NANOS3: variants seen among roughly 807,000 people sequenced by gnomAD.
The protein encoded by NANOS3 is nanos homolog 3.
Under a neutral mutation model 13.8 loss-of-function variants are expected in NANOS3, and 11 were observed. The ratio of observed to expected loss-of-function variants is 0.80; its 90% CI spans 0.50 to 1.32. NANOS3 has a LOEUF of 1.32. Among genes scored for constraint, NANOS3 ranks in the 40% most tolerant of loss-of-function variants. The pLI, the probability that NANOS3 is intolerant of heterozygous loss-of-function variation, is 0.00. For synonymous variants in NANOS3, 119 were observed against 115.4 expected (o/e 1.03, Z -0.20); for missense variants, 221 against 263.8 (o/e 0.84, Z 1.12).
Position 13,877,503 on chromosome 19 carries a change from G to T in NANOS3, c.255G>T (p.Glu85Asp). Reference sequence around the variant, plus strand: ...GCTCTTTCTGCAAACACAACGGCGAGTCCCGGGCCATCTACCAGTCCCACG... The same window carrying T: ...GCTCTTTCTGCAAACACAACGGCGATTCCCGGGCCATCTACCAGTCCCACG... Reference protein sequence around the residue: ...RLCSFCKHNGESRAIYQSHVL... With the variant: ...RLCSFCKHNGDSRAIYQSHVL... The change falls in exon 1 of 2, where the codon GAG (glutamate) becomes GAT (aspartate). Residue 85 changes from glutamate (E) to aspartate (D), a missense_variant. Around this residue, in one of 3 missense-constraint regions of NANOS3, gnomAD observed 112 missense variants for 116.3 expected, o/e 0.96. Coordinates refer to ENST00000339133, the MANE Select transcript of NANOS3 (RefSeq NM_001098622.3). 1 of 1,611,674 alleles carries T rather than the reference G, an allele frequency of 6.2e-7. No homozygotes were observed.
intron 1 of NANOS3, among the ~76,000 whole-genome samples, chr19:13,870,212 T>C (rs1427865496): frequency 6.6e-6 from 1 of 152,068 alleles, no homozygotes; most frequent in Non-Finnish European, 1.5e-5. Flanking sequence ...CCCAAATAGC[T>C]GGGACTACAG....
chr19:13,869,760 ACACACACACGCACG>A (rs1220547695), intron 1 of NANOS3, among the ~76,000 whole-genome samples: 1 of 150,430 alleles, frequency 6.6e-6, no homozygotes, highest in African/African-American at 2.5e-5. Flanking sequence ...AAGTACACAC[ACACACACACGCACG>A]CACACACACA....
chr19:13,868,684 A>T (rs1481230398), intron 1 of NANOS3, among the ~76,000 whole-genome samples: 3 of 36,740 alleles, frequency 8.2e-5, no homozygotes, highest in African/African-American at 1.1e-4. Flanking sequence ...AGTCTCTTTT[A>T]AAAAAAAAAA....
At chr19:13,871,038 C>A (rs1019343019) in intron 1 of NANOS3, among the ~76,000 whole-genome samples, 1 of 151,936 alleles carries the variant, frequency 6.6e-6, no homozygotes. Context: ...ACCCCTACCC[C>A]CCATGCACTG....
upstream of NANOS3, among the ~76,000 whole-genome samples, chr19:13,873,253 G>T (rs906482676): frequency 6.8e-6 from 1 of 148,052 alleles, no homozygotes; most frequent in African/African-American, 2.5e-5. Context: ...TTGGCTGGTG[G>T]CTCCAGACTG....
At chr19:13,877,875 G>C in intron 1 of NANOS3, 110 bp downstream of exon 1, 3 of 1,439,278 alleles carry the variant, frequency 2.1e-6, no homozygotes, top group Admixed American at 2.8e-5. Context: ...GAAGACCTTA[G>C]AGAGAGCTTA....
chr19:13,872,423 C>G (rs979647978), upstream of NANOS3, among the ~76,000 whole-genome samples: 8 of 151,948 alleles, frequency 5.3e-5, no homozygotes, highest in African/African-American at 2.4e-5. Flanking sequence ...CTTCTGGGCT[C>G]CAGCCATCCT....
At chr19:13,870,520 A>ATG (rs1302839975) in intron 1 of NANOS3, among the ~76,000 whole-genome samples, 1 of 133,274 alleles carries the variant, frequency 7.5e-6, no homozygotes, top group Non-Finnish European at 1.6e-5. Context: ...TCCTGGTGCT[A>ATG]TGTGTGGGGG....
At chr19:13,869,516 G>A (rs1295924185) in intron 1 of NANOS3, among the ~76,000 whole-genome samples, 2 of 152,090 alleles carry the variant, frequency 1.3e-5, no homozygotes, top group African/African-American at 4.8e-5. Context: ...GACTCCCGCA[G>A]CTGGAAAGGA....
chr19:13,874,779 G>A (rs1454729791), upstream of NANOS3: 3 of 534,258 alleles, frequency 5.6e-6, no homozygotes, highest in Non-Finnish European at 1.2e-5. Flanking sequence ...CGACCGTTGA[G>A]TGGACCCTGA....
At chr19:13,880,332 C>T in intron 1 of NANOS3, 110 bp from the exon 2 acceptor site, 4 of 999,974 alleles carry the variant, frequency 4.0e-6, no homozygotes, top group Non-Finnish European at 6.2e-6. Flanking sequence ...GGAGCAGCCC[C>T]TGGGTGGCGC....
intron 1 of NANOS3, 77 bp downstream of exon 1, chr19:13,877,842 G>T (rs1262933718): frequency 6.8e-7 from 1 of 1,478,534 alleles, no homozygotes; most frequent in African/African-American, 1.4e-5. Flanking sequence ...ATTAGCCCCA[G>T]TACCCACCTC....
chr19:13,879,241 C>T (rs1968580567), intron 1 of NANOS3, among the ~76,000 whole-genome samples: 2 of 152,084 alleles, frequency 1.3e-5, no homozygotes, highest in South Asian at 4.1e-4. Flanking sequence ...GCCTGGCCCC[C>T]AGTGAGGTTT....
intron 1 of NANOS3, 101 bp from the exon 2 acceptor site, chr19:13,880,341 G>A (rs763972525): frequency 1.5e-4 from 163 of 1,104,488 alleles, no homozygotes; most frequent in Non-Finnish European, 2.0e-4. Context: ...CCTGGGTGGC[G>A]CCAGAGGTCC....
upstream of NANOS3, among the ~76,000 whole-genome samples, chr19:13,876,614 C>T (rs1458473067): frequency 6.6e-6 from 1 of 152,136 alleles, no homozygotes; most frequent in Non-Finnish European, 1.5e-5. Context: ...TTCCCCCCTA[C>T]CCCCGCAACC....
At chr19:13,863,345 G>A (rs1224787886), upstream of NANOS3, among the ~76,000 whole-genome samples, 1 of 151,874 alleles carries the variant, frequency 6.6e-6, no homozygotes, top group Non-Finnish European at 1.5e-5. Context: ...AAGTAGCTGG[G>A]ACTATAGGCG....
At chr19:13,864,732 T>C (rs1428702791), upstream of NANOS3, among the ~76,000 whole-genome samples, 2 of 152,054 alleles carry the variant, frequency 1.3e-5, no homozygotes, top group African/African-American at 4.8e-5. Flanking sequence ...TCAGCCGCGT[T>C]TCTGCATATT....
In NANOS3 at chr19:13,880,486, C is replaced by T; in HGVS notation, c.562C>T (p.Pro188Ser). The change falls in exon 2 of 2, where the codon CCC becomes TCC. Residue 188 changes from proline to serine, a missense_variant. Pro to Ser is a moderately conservative substitution (Grantham distance 74, BLOSUM62 -1). Transcript: ENST00000339133. ...GKSEPSPSCS[P>S]SMST is the part of the protein sequence containing the mutation. Reference sequence around the variant, plus strand: ...GTCTGAGCCTTCGCCCTCCTGCTCTCCCTCCATGTCCACCTAGGAGGCTGC... The same window carrying T: ...GTCTGAGCCTTCGCCCTCCTGCTCTTCCTCCATGTCCACCTAGGAGGCTGC... 6.2e-7 allele frequency: 1 copy of T among 1,613,936 alleles called. No homozygotes were observed. The highest frequency in any genetic ancestry group is 8.5e-7 in the Non-Finnish European group (1 of 1,179,866).
At chr19:13,878,573 TTTTA>T (rs962032542) in intron 1 of NANOS3, among the ~76,000 whole-genome samples, 4 of 151,944 alleles carry the variant, frequency 2.6e-5, no homozygotes, top group Non-Finnish European at 4.4e-5. Context: ...AAGACTTTTA[TTTTA>T]TTTATTTATC....
Sources: gnomAD v4.1 joint callset for allele counts (sites outside exome capture counted in the v4.1 genomes callset) on GRCh38, gnomAD v4.1.1 for gene constraint, gnomAD v4.1.1 regional missense constraint, MANE v1.5 for transcripts, NCBI Gene and HGNC (gene_info 2026-07-23, HGNC 2026-07-21) for gene names.